CSMD3: variants seen among roughly 807,000 people sequenced by gnomAD.
CSMD3 encodes the protein CUB and sushi domain-containing protein 3.
Under a neutral mutation model 435.2 loss-of-function variants are expected in CSMD3, and 177 were observed. The observed-to-expected ratio is 0.41, with a 90% CI of 0.36 to 0.46. The LOEUF (loss-of-function observed/expected upper bound fraction) is 0.46. Among genes scored for constraint, CSMD3 ranks in the 20% least tolerant of loss-of-function variants. The pLI is 0.34. For missense variants in CSMD3, 4,265 were observed against 4,504.6 expected (o/e 0.95, Z 1.52); for synonymous variants, 1,656 against 1,520.5 (o/e 1.09, Z -2.07).
intron 15 of CSMD3, among the ~76,000 whole-genome samples, chr8:112,683,082 T>G (rs1304939976): frequency 6.6e-6 from 1 of 151,944 alleles, no homozygotes; most frequent in Admixed American, 6.6e-5. Flanking sequence ...AGTCTCATCT[T>G]GAGAATTAAA....
chr8:112,881,883 A>G (rs1479561813), intron 10 of CSMD3, among the ~76,000 whole-genome samples: 1 of 151,954 alleles, frequency 6.6e-6, no homozygotes, highest in African/African-American at 2.4e-5. Flanking sequence ...AGGAGAGTCT[A>G]TTTCTCTATG....
intron 32 of CSMD3, among the ~76,000 whole-genome samples, chr8:112,455,951 A>T (rs1334682326): frequency 1.3e-5 from 2 of 152,154 alleles, no homozygotes; most frequent in African/African-American, 2.4e-5. Flanking sequence ...TGATTAAAAA[A>T]TTAACACAGC....
intron 1 of CSMD3, among the ~76,000 whole-genome samples, chr8:113,385,982 T>C (rs2094437505): frequency 1.3e-5 from 2 of 152,104 alleles, no homozygotes; most frequent in African/African-American, 4.8e-5. Flanking sequence ...GTTTTTCTTT[T>C]AGACATTTGT....
chr8:112,325,205 T>TA (rs1823381957), intron 45 of CSMD3, among the ~76,000 whole-genome samples: 1 of 152,164 alleles, frequency 6.6e-6, no homozygotes, highest in Admixed American at 6.6e-5. Context: ...TACAACCTCT[T>TA]ACTGTAGTCT....
Position 113,010,298 on chromosome 8 carries a change from G to A in CSMD3, c.1030+8769C>T, listed in dbSNP as rs559642331. On this transcript the variant is annotated intron_variant, in intron 6 of 70. Coordinates refer to ENST00000297405, the MANE Select transcript of CSMD3 (RefSeq NM_198123.2). ...CTATCAAGAAACTTTTTATCTAGAA[G>A]CTTTCTTGAAAAGGGAAGGAGGAAG... 2.0e-5 allele frequency among the ~76,000 whole-genome samples: 3 copies of A among 151,794 alleles called. No individual in the cohort carries two copies. In the South Asian group the frequency reaches 6.2e-4, roughly 31 times the overall value.
At chr8:112,344,257 C>A (rs992705610) in intron 41 of CSMD3, among the ~76,000 whole-genome samples, 7 of 152,132 alleles carry the variant, frequency 4.6e-5, no homozygotes, top group African/African-American at 1.4e-4. Flanking sequence ...CTATACTAGG[C>A]TGATGTCCAT....
chr8:112,605,770 C>A (rs980502808), intron 22 of CSMD3, among the ~76,000 whole-genome samples: 6 of 152,090 alleles, frequency 3.9e-5, no homozygotes, highest in Admixed American at 2.6e-4. Context: ...TGCACATGTA[C>A]CCCCTGAACC....
intron 16 of CSMD3, among the ~76,000 whole-genome samples, chr8:112,678,211 T>C (rs983687651): frequency 1.3e-5 from 2 of 152,136 alleles, no homozygotes. Flanking sequence ...ATCTGTAGAC[T>C]CAGATTCACC....
intron 59 of CSMD3, among the ~76,000 whole-genome samples, chr8:112,272,468 C>T (rs994147257): frequency 5.9e-5 from 9 of 152,080 alleles, no homozygotes; most frequent in African/African-American, 2.2e-4. Context: ...AATTATAACA[C>T]ATCAAAATTT....
intron 2 of CSMD3, chr8:113,311,477 A>G (rs962152399): frequency 1.3e-5 from 2 of 152,120 alleles, no homozygotes; most frequent in African/African-American, 4.8e-5. Context: ...TAAAAAATCT[A>G]TTGGAGCTCA....
At chr8:112,325,962 T>G (rs772786453) in intron 45 of CSMD3, among the ~76,000 whole-genome samples, 1 of 152,174 alleles carries the variant, frequency 6.6e-6, no homozygotes, top group East Asian at 1.9e-4. Context: ...TTTAAGCTTA[T>G]CTTTCAATAA....
chr8:113,188,181 GC>G (rs2092535687), intron 3 of CSMD3, among the ~76,000 whole-genome samples: 2 of 151,754 alleles, frequency 1.3e-5, no homozygotes, highest in African/African-American at 4.8e-5. Flanking sequence ...ATATTATTTT[GC>G]CTTTTATTGT....
At chr8:112,846,902 A>G (rs956090415) in intron 11 of CSMD3, among the ~76,000 whole-genome samples, 4 of 152,098 alleles carry the variant, frequency 2.6e-5, no homozygotes, top group African/African-American at 9.7e-5. Flanking sequence ...AGAGGAGGGG[A>G]AATAAAAGAT....
chr8:112,553,727 A>C (rs1030718504), intron 25 of CSMD3, among the ~76,000 whole-genome samples: 4 of 151,986 alleles, frequency 2.6e-5, no homozygotes, highest in Non-Finnish European at 1.5e-5. Context: ...GATTATTATT[A>C]TTATTAGACC....
chr8:112,635,945 T>G (rs2074644453), intron 22 of CSMD3, among the ~76,000 whole-genome samples: 1 of 152,156 alleles, frequency 6.6e-6, no homozygotes, highest in Non-Finnish European at 1.5e-5. Flanking sequence ...TGACCCACAA[T>G]TAGATTTATA....
intron 2 of CSMD3, 106 bp downstream of exon 2, chr8:113,314,465 C>A (rs1272983706): frequency 1.4e-6 from 1 of 733,936 alleles, no homozygotes; most frequent in Non-Finnish European, 2.4e-6. Flanking sequence ...ATGGTGAATA[C>A]AACTTTATTA....
At chr8:112,783,424 GGGAA>G (rs1256764715) in intron 13 of CSMD3, among the ~76,000 whole-genome samples, 1,652 of 56,778 alleles carry the variant, frequency 0.029, 20 homozygotes, top group Middle Eastern at 0.057. Flanking sequence ...GAGGGAGGGA[GGGAA>G]GGAAGGAAGG....
chr8:113,403,369 C>A (rs2094518672), intron 1 of CSMD3, among the ~76,000 whole-genome samples: 1 of 151,054 alleles, frequency 6.6e-6, no homozygotes, highest in Non-Finnish European at 1.5e-5. Flanking sequence ...TCCTGTGGTA[C>A]CATTTTATGA....
At chr8:113,200,952 C>T (rs531202290) in intron 3 of CSMD3, among the ~76,000 whole-genome samples, 1 of 151,674 alleles carries the variant, frequency 6.6e-6, no homozygotes, top group Non-Finnish European at 1.5e-5. Context: ...TGAGTAAGTG[C>T]TAGTTGAATT....
Sources: gnomAD v4.1 joint callset for allele counts (sites outside exome capture counted in the v4.1 genomes callset) on GRCh38, gnomAD v4.1.1 for gene constraint, MANE v1.5 for transcripts, NCBI Gene and HGNC (gene_info 2026-07-23, HGNC 2026-07-21) for gene names.